The following TMEM182 variants were observed in gnomAD, a reference collection of about 807,000 sequenced individuals.
TMEM182 encodes the protein transmembrane protein 182.
TMEM182 carries 20 observed loss-of-function variants against 26.8 expected under a neutral mutation model. The ratio of observed to expected loss-of-function variants is 0.75; its 90% CI spans 0.53 to 1.09. The LOEUF is 1.09. Ranked by LOEUF, TMEM182 falls within the 50% of genes least tolerant of loss-of-function variation. The pLI is 0.00. For missense variants in TMEM182, 277 were observed against 275.5 expected (o/e 1.01, Z -0.04); for synonymous variants, 109 against 102.2 (o/e 1.07, Z -0.40).
At chr2:102,782,162 C>T (rs1313526637) in intron 3 of TMEM182, among the ~76,000 whole-genome samples, 1 of 151,894 alleles carries the variant, frequency 6.6e-6, no homozygotes, top group African/African-American at 2.4e-5. Flanking sequence ...AAAAATTAGT[C>T]AGGTGTGGTG....
chr2:102,754,418 G>A (rs1679972968), intron 1 of TMEM182, among the ~76,000 whole-genome samples: 1 of 152,084 alleles, frequency 6.6e-6, no homozygotes, highest in Non-Finnish European at 1.5e-5. Context: ...GGTTTTCAGA[G>A]ACTTTTGGAT....
At chr2:102,786,210 G>GGTT (rs1553440490) in intron 3 of TMEM182, among the ~76,000 whole-genome samples, 7 of 91,794 alleles carry the variant, frequency 7.6e-5, no homozygotes, top group African/African-American at 2.7e-4. Context: ...TCAGCAATCT[G>GGTT]TTTTTTTTTT....
At chr2:102,788,436 G>A (rs895705092) in intron 3 of TMEM182, among the ~76,000 whole-genome samples, 1 of 152,124 alleles carries the variant, frequency 6.6e-6, no homozygotes, top group Non-Finnish European at 1.5e-5. Context: ...GGTGGACACT[G>A]AGTGGCTTTG....
chr2:102,832,985 AC>A (rs1331475747), intron 3 of TMEM182, among the ~76,000 whole-genome samples: 3 of 152,174 alleles, frequency 2.0e-5, no homozygotes, highest in Non-Finnish European at 4.4e-5. Flanking sequence ...TCTTTGAAAT[AC>A]ATCCCGGAGC....
At chr2:102,796,320 T>C (rs1165787320) in intron 3 of TMEM182, among the ~76,000 whole-genome samples, 1 of 152,232 alleles carries the variant, frequency 6.6e-6, no homozygotes, top group Non-Finnish European at 1.5e-5. Flanking sequence ...ATATGGTTGC[T>C]TGTCATACTT....
Position 102,816,097 on chromosome 2 carries a change from T to C in TMEM182, c.*1129T>C, listed in dbSNP as rs1682733744. The C allele has an allele frequency of 1.0e-5, 10 of 985,454 alleles. No individual in the cohort carries two copies. Among genetic ancestry groups the C allele is most frequent in the Non-Finnish European group, 1.2e-5 (10 of 829,942 alleles). 61.0% of individuals were successfully genotyped at this position (985,454 alleles called of 1,614,324 possible). ...AAGTTTTTGTGGGGAAAGATGATTC[T>C]GTATTATTCAGTAGCATAGACATTT... On this transcript the variant is annotated 3_prime_UTR_variant, in exon 5 of 5. Transcript: ENST00000412401.
upstream of TMEM182, chr2:102,758,488 A>T (rs1005337212): frequency 1.4e-6 from 1 of 717,102 alleles, no homozygotes; most frequent in Admixed American, 2.0e-5. Flanking sequence ...GCTCCATTTC[A>T]TGTCTTCATT....
chr2:102,738,898 A>G (rs1679464544), intron 1 of TMEM182, among the ~76,000 whole-genome samples: 1 of 152,160 alleles, frequency 6.6e-6, no homozygotes, highest in Non-Finnish European at 1.5e-5. Context: ...AGGACTCCAA[A>G]AGTTTTGGAA....
chr2:102,740,341 G>A (rs918685518), intron 1 of TMEM182, among the ~76,000 whole-genome samples: 18 of 152,084 alleles, frequency 1.2e-4, no homozygotes, highest in African/African-American at 1.7e-4. Flanking sequence ...TGCTGTTCTC[G>A]TGATAGTGAG....
At chr2:102,777,781 C>CTTTTTTTTTTTTTTTTTTTTTTTTTT (rs548360716) in intron 3 of TMEM182, among the ~76,000 whole-genome samples, 1 of 130,540 alleles carries the variant, frequency 7.7e-6, no homozygotes. Flanking sequence ...TTCTCTTTTT[C>CTTTTTTTTTTTTTTTTTTTTTTTTTT]TTTTTTTTTT....
Position 102,817,323 on chromosome 2 carries a change from T to C in TMEM182, c.*2355T>C. 1.0e-6 allele frequency: 1 copy of C among 985,456 alleles called. No individual in the cohort carries two copies. The allele number at this position is 985,456 out of a possible 1,614,324, so 61.0% of individuals were successfully genotyped here. A position where few individuals can be genotyped will look rare whatever the true frequency, so the allele number is the denominator to read the frequency against. On this transcript the variant is annotated 3_prime_UTR_variant, in exon 5 of 5. Coordinates refer to ENST00000412401, the MANE Select transcript of TMEM182 (RefSeq NM_144632.5). ...TTTGAAAAATGTTGATTTTGCATCATAAAGTTTCAATTTATCAAGGATATC... is the reference window on the plus strand; with the variant it reads ...TTTGAAAAATGTTGATTTTGCATCACAAAGTTTCAATTTATCAAGGATATC...
chr2:102,826,609 G>A (rs142504195), intron 3 of TMEM182, among the ~76,000 whole-genome samples: 20 of 152,136 alleles, frequency 1.3e-4, no homozygotes, highest in Admixed American at 6.5e-4. Flanking sequence ...TTGAATTGCC[G>A]TACCATGTTT....
chr2:102,757,139 G>A (rs558351072), upstream of TMEM182, among the ~76,000 whole-genome samples: 2 of 152,160 alleles, frequency 1.3e-5, no homozygotes, highest in South Asian at 4.2e-4. Flanking sequence ...TGGCAAGGAG[G>A]GAGAGTAGAG....
At chr2:102,786,371 C>T (rs549209051) in intron 3 of TMEM182, among the ~76,000 whole-genome samples, 10 of 152,060 alleles carry the variant, frequency 6.6e-5, no homozygotes, top group Non-Finnish European at 1.3e-4. Flanking sequence ...CCTGCCACCG[C>T]ACCTGGCTAA....
intron 3 of TMEM182, among the ~76,000 whole-genome samples, chr2:102,795,023 T>C (rs1490136771): frequency 6.6e-6 from 1 of 152,166 alleles, no homozygotes; most frequent in Non-Finnish European, 1.5e-5. Context: ...ATTGAATAAT[T>C]TTTATTGCTT....
At chr2:102,743,295 T>C (rs1366779126) in intron 1 of TMEM182, among the ~76,000 whole-genome samples, 4 of 152,014 alleles carry the variant, frequency 2.6e-5, no homozygotes, top group Non-Finnish European at 4.4e-5. Context: ...ATAATTTATA[T>C]GGAAAGAAAA....
At chr2:102,809,516 T>C (rs1682472387) in intron 4 of TMEM182, among the ~76,000 whole-genome samples, 1 of 152,168 alleles carries the variant, frequency 6.6e-6, no homozygotes, top group African/African-American at 2.4e-5. Flanking sequence ...CCTAGAAAAG[T>C]AACCTAGTCC....
At chr2:102,828,675 C>G (rs959142813) in intron 3 of TMEM182, among the ~76,000 whole-genome samples, 3 of 152,142 alleles carry the variant, frequency 2.0e-5, no homozygotes, top group African/African-American at 4.8e-5. Flanking sequence ...CCTAACTTTT[C>G]TAGCTGAACC....
chr2:102,737,942 T>A (rs1679409408), intron 1 of TMEM182, among the ~76,000 whole-genome samples: 1 of 152,218 alleles, frequency 6.6e-6, no homozygotes, highest in Non-Finnish European at 1.5e-5. Flanking sequence ...TTAAATTCAG[T>A]GTTGCAAAGT....
Sources: gnomAD v4.1 joint callset for allele counts (sites outside exome capture counted in the v4.1 genomes callset) on GRCh38, gnomAD v4.1.1 for gene constraint, MANE v1.5 for transcripts, NCBI Gene and HGNC (gene_info 2026-07-23, HGNC 2026-07-21) for gene names.